RAD51C: variants seen among roughly 807,000 people sequenced by gnomAD.
RAD51C encodes RAD51 paralog C, also known as DNA repair protein RAD51 homolog 3.
In RAD51C, 42 loss-of-function variants were observed where a neutral mutation model predicts 45.0. That is an observed-to-expected ratio of 0.93 (90% CI 0.73 to 1.21). The LOEUF is 1.21. Ranked by LOEUF, RAD51C falls within the 50% of genes most tolerant of loss-of-function variation. The probability of loss-of-function intolerance (pLI) is 0.00; values close to 1 mark genes in which losing one functional copy is unlikely to be tolerated. For synonymous variants in RAD51C, 172 were observed against 159.8 expected, an observed-to-expected ratio of 1.08 and a Z score of -0.58; for missense variants, 474 against 452.2, an observed-to-expected ratio of 1.05 and a Z score of -0.44.
At position 58,734,198 on chromosome 17, in the gene RAD51C, A is replaced by G. The variant is rs1555605619; in HGVS notation, c.1107A>G (p.Ser369=). ...TEGSLSTRKR[S]RDPEEEL The stretch of plus-strand genomic sequence containing the variant: ...GTTCCTTGAGCACCCGGAAACGGTC[A>G]CGAGACCCAGAGGAAGAATTATAAC... Residue 369 remains serine, a synonymous_variant, in exon 9 of 9, where the codon TCA becomes TCG. Transcript: ENST00000337432. The G allele has an allele frequency of 1.2e-6, 2 of 1,612,820 alleles. No individual in the cohort carries two copies. Among genetic ancestry groups the G allele is most frequent in the Non-Finnish European group, 1.7e-6 (2 of 1,179,274 alleles).
At chr17:58,707,973 T>C (rs756215475) in intron 4 of RAD51C, among the ~76,000 whole-genome samples, 1 of 152,204 alleles carries the variant, frequency 6.6e-6, no homozygotes, top group African/African-American at 2.4e-5. Context: ...GTCATTCTCA[T>C]GACCTAATTT....
At chr17:58,698,521 G>T (rs1010046765) in intron 3 of RAD51C, among the ~76,000 whole-genome samples, 3 of 151,532 alleles carry the variant, frequency 2.0e-5, no homozygotes, top group Non-Finnish European at 4.4e-5. Flanking sequence ...TAGAGAGGGG[G>T]TTTCACCATA....
At chr17:58,732,325 G>C in intron 7 of RAD51C, 159 bp from the exon 8 acceptor site, 1 of 631,902 alleles carries the variant, frequency 1.6e-6, no homozygotes, top group Non-Finnish European at 2.7e-6. Flanking sequence ...TAATTTGAAG[G>C]GTGTATTTTT....
intron 5 of RAD51C, among the ~76,000 whole-genome samples, chr17:58,720,263 A>G (rs1251346609): frequency 6.6e-6 from 1 of 150,416 alleles, no homozygotes; most frequent in East Asian, 2.1e-4. Flanking sequence ...AAAATACAAA[A>G]AAATTAGCTG....
intron 6 of RAD51C, among the ~76,000 whole-genome samples, chr17:58,722,115 G>A (rs1386383706): frequency 6.6e-6 from 1 of 152,144 alleles, no homozygotes; most frequent in Admixed American, 6.6e-5. Flanking sequence ...GAGAATTACA[G>A]TTGTCAAGCA....
rs1400771753 is a variant in RAD51C at position 58,734,495 on chromosome 17, G to C, written c.*273G>C. On this transcript the variant is annotated 3_prime_UTR_variant, in exon 9 of 9. Transcript: ENST00000337432. The stretch of plus-strand genomic sequence containing the variant: ...AAATGTGGAAAGCTGATCTCATGTG[G>C]CCAGTCTGAATTTACCATTCATACT... 1 of 517,220 alleles carries C rather than the reference G, an allele frequency of 1.9e-6. No individual in the cohort carries two copies. The highest frequency in any genetic ancestry group is 3.5e-5 in the Admixed American group (1 of 28,404). 32.0% of individuals were successfully genotyped at this position (517,220 alleles called of 1,614,324 possible).
intron 3 of RAD51C, among the ~76,000 whole-genome samples, chr17:58,699,020 ATTTTAAGATGGAG>A (rs1293398425): frequency 1.3e-5 from 2 of 151,078 alleles, no homozygotes; most frequent in African/African-American, 4.9e-5. Flanking sequence ...TTATTTATTT[ATTTTAAGATGGAG>A]TTGCGCTCTG....
chr17:58,721,808 A>G lies in RAD51C; in HGVS notation c.904+996A>G, dbSNP rs1398870633. 3.3e-5 allele frequency among the ~76,000 whole-genome samples: 5 copies of G among 152,256 alleles called. No individual in the cohort carries two copies. The East Asian group carries it at 7.7e-4, about 23-fold the overall frequency. On this transcript the variant is annotated intron_variant, in intron 6 of 8. Coordinates refer to ENST00000337432, the MANE Select transcript of RAD51C (RefSeq NM_058216.3). ...CCTTGACTAGTTTTCAACTAATGGC[A>G]TAGATCATTCTATAAACAGATAATG...
chr17:58,721,759 C>CAA (rs113841051), intron 6 of RAD51C, among the ~76,000 whole-genome samples: 10 of 133,054 alleles, frequency 7.5e-5, no homozygotes, highest in African/African-American at 2.8e-4. Context: ...AACTCTGTCT[C>CAA]AAAAAAAAAA....
At chr17:58,727,982 C>T (rs1000383305) in intron 7 of RAD51C, among the ~76,000 whole-genome samples, 11 of 151,318 alleles carry the variant, frequency 7.3e-5, no homozygotes, top group Non-Finnish European at 1.0e-4. Context: ...GTGGCTGACA[C>T]CTGTAATCCC....
At chr17:58,699,348 C>T (rs935935390) in intron 3 of RAD51C, among the ~76,000 whole-genome samples, 2 of 151,754 alleles carry the variant, frequency 1.3e-5, no homozygotes, top group African/African-American at 2.4e-5. Context: ...TTTGGATGTG[C>T]GGTCTTTATT....
In RAD51C at chr17:58,724,166, G is replaced by A. The variant is rs2049029152; in HGVS notation, c.965+66G>A. The A allele has an allele frequency of 2.7e-6, 4 of 1,471,692 alleles. No individual in the cohort carries two copies. The South Asian group carries it at 4.6e-5, about 17-fold the overall frequency. 91.2% of individuals were successfully genotyped at this position (1,471,692 alleles called of 1,614,324 possible). On this transcript the variant is annotated intron_variant, in intron 7 of 8. Transcript: ENST00000337432. ...AATTATACTGAATGAACACTTACAGGTTTCTTAGAGCTAGTCCTGTGGATG... is the reference window on the plus strand; with the variant it reads ...AATTATACTGAATGAACACTTACAGATTTCTTAGAGCTAGTCCTGTGGATG...
At chr17:58,730,073 G>A (rs1598528064) in intron 7 of RAD51C, among the ~76,000 whole-genome samples, 1 of 151,652 alleles carries the variant, frequency 6.6e-6, no homozygotes. Flanking sequence ...AATACACCTT[G>A]CCTCTCTTTT....
At chr17:58,697,050 C>G (rs1679214920) in intron 3 of RAD51C, among the ~76,000 whole-genome samples, 191 bp downstream of exon 3, 1 of 151,902 alleles carries the variant, frequency 6.6e-6, no homozygotes, top group South Asian at 2.1e-4. Flanking sequence ...TTTTTTGTTC[C>G]CCTTTTATGG....
At chr17:58,726,386 C>T (rs182506264) in intron 7 of RAD51C, among the ~76,000 whole-genome samples, 463 of 146,400 alleles carry the variant, frequency 3.2e-3, no homozygotes, top group African/African-American at 0.011. Flanking sequence ...TACATATATA[C>T]GTGTATGTAT....
At chr17:58,733,706 A>C (rs2049537535) in intron 8 of RAD51C, among the ~76,000 whole-genome samples, 1 of 152,118 alleles carries the variant, frequency 6.6e-6, no homozygotes, top group South Asian at 2.1e-4. Flanking sequence ...GTGGTTGATA[A>C]ATTTCTATCT....
chr17:58,694,942 TC>T lies in RAD51C; in HGVS notation c.158del (p.Ser53LeufsTer6), dbSNP rs587782533. The T allele has an allele frequency of 3.7e-6, 6 of 1,613,624 alleles. No homozygotes were observed. Among genetic ancestry groups the T allele is most frequent in the Non-Finnish European group, 5.1e-6 (6 of 1,179,552 alleles). On this transcript the variant is annotated frameshift_variant, in exon 2 of 9. Coordinates refer to ENST00000337432, the MANE Select transcript of RAD51C (RefSeq NM_058216.3). LOFTEE classifies it high-confidence loss of function. ...TATTTTACTTTCAGAAGTTGGGATA[TC>T]TAAAGCAGAAGCCTTAGAAACTCTG... ...PSELSKEVGISKAEALETLQI... is the reference protein window; with the variant it reads ...PSELSKEVGIXKAEALETLQI...
At chr17:58,728,910 T>TG (rs2049283886) in intron 7 of RAD51C, among the ~76,000 whole-genome samples, 1 of 152,226 alleles carries the variant, frequency 6.6e-6, no homozygotes, top group South Asian at 2.1e-4. Context: ...CATGGTTATA[T>TG]GAGGCCAAGA....
chr17:58,732,926 A>G (rs2049493286), intron 8 of RAD51C, among the ~76,000 whole-genome samples: 1 of 152,192 alleles, frequency 6.6e-6, no homozygotes, highest in Non-Finnish European at 1.5e-5. Context: ...CCACTTTAAG[A>G]TGTTAATTCT....
Sources: allele counts gnomAD v4.1 joint callset (sites outside exome capture counted in the v4.1 genomes callset), GRCh38; gene constraint gnomAD v4.1.1; transcripts MANE v1.5; gene names NCBI Gene and HGNC (gene_info 2026-07-23, HGNC 2026-07-21).